Variants in PHACTR2 observed in about 807,000 individuals in gnomAD.
The protein encoded by PHACTR2 is chromosome 6 open reading frame 56.
A neutral mutation model predicts 76.0 loss-of-function variants in PHACTR2; 30 were observed. That is an observed-to-expected ratio of 0.39 (90% CI 0.30 to 0.54). The LOEUF (loss-of-function observed/expected upper bound fraction) is 0.54, where lower values mean the gene tolerates loss of function less well. Among genes scored for constraint, PHACTR2 ranks in the 20% least tolerant of loss-of-function variants. The pLI, the probability that PHACTR2 is intolerant of heterozygous loss-of-function variation, is 0.61. For synonymous variants in PHACTR2, 292 were observed against 292.5 expected (o/e 1.00, Z 0.02); for missense variants, 696 against 781.1 (o/e 0.89, Z 1.30).
At chr6:143,813,589 G>T (rs1562316971) in intron 12 of PHACTR2, among the ~76,000 whole-genome samples, 1 of 133,150 alleles carries the variant, frequency 7.5e-6, no homozygotes, top group Non-Finnish European at 1.5e-5. Flanking sequence ...CTGCACTCCA[G>T]CCTGGGCAAC....
Position 143,750,494 on chromosome 6 carries a change from G to GAAA in PHACTR2, c.295+1429_295+1430insAAA, listed in dbSNP as rs1779158882. Among the ~76,000 whole-genome samples, 1 of 152,052 alleles carries GAAA rather than the reference G, an allele frequency of 6.6e-6. No individual in the cohort carries two copies. The highest frequency in any genetic ancestry group is 1.5e-5 in the Non-Finnish European group (1 of 68,014). On this transcript the variant is annotated intron_variant, in intron 3 of 12. Coordinates refer to ENST00000440869, the MANE Select transcript of PHACTR2 (RefSeq NM_001100164.2). This position sits in a 1 kb window ranked among gnomAD's most constrained non-coding sequence, Gnocchi z 4.6. ...TGGGCCAATGCATTTATTAGACATC[G>GAAA]TTTATTTAGAAATATTTTAAAGAAA...
rs1775181729 is a variant in PHACTR2, at chr6:143,556,863, T to TA, written c.217+19661dup. The stretch of plus-strand genomic sequence containing the variant: ...TCATTTAAGAGTAAGTATTCTTTTT[T>TA]AAAAATATGGGCCAGGAACTAATAA... On this transcript the variant is annotated intron_variant, in intron 1 of 11. Coordinates refer to the PHACTR2 transcript ENST00000367584. The surrounding 1 kb of genome is among the most constrained non-coding windows in gnomAD (Gnocchi z 4.3). Among the ~76,000 whole-genome samples, 1 of 152,178 alleles carries TA rather than the reference T, an allele frequency of 6.6e-6. No individual in the cohort carries two copies. Among genetic ancestry groups the TA allele is most frequent in the Admixed American group, 6.5e-5 (1 of 15,284 alleles).
chr6:143,682,889 T>C (rs1777429825), intron 1 of PHACTR2, among the ~76,000 whole-genome samples: 1 of 152,210 alleles, frequency 6.6e-6, no homozygotes, highest in African/African-American at 2.4e-5. Context: ...AGTGTTTTTA[T>C]CATGAAAGAT....
At chr6:143,538,694 C>T (rs1781142252) in intron 1 of PHACTR2, among the ~76,000 whole-genome samples, 1 of 152,232 alleles carries the variant, frequency 6.6e-6, no homozygotes, top group Admixed American at 6.5e-5. Context: ...GACTCCACTT[C>T]AGCTGGCTAA....
intron 1 of PHACTR2, among the ~76,000 whole-genome samples, chr6:143,601,957 A>G (rs1459964194): frequency 5.3e-5 from 8 of 152,316 alleles, no homozygotes; most frequent in East Asian, 1.9e-4. Flanking sequence ...TTTTGATGCA[A>G]TCATACAACT....
At position 143,618,378 on chromosome 6, in the gene PHACTR2, C is replaced by T. The variant is rs923263714; in HGVS notation, c.13+10056C>T. Among the ~76,000 whole-genome samples, 3 of 151,998 alleles carry T rather than the reference C, an allele frequency of 2.0e-5. No homozygotes were observed. The highest frequency in any genetic ancestry group is 2.9e-5 in the Non-Finnish European group (2 of 68,000). ...ATGCTTTGATAACTTGCTTTTCTGG[C>T]GTTTTGGTTAATAAATGGTGTTTTT... On this transcript the variant is annotated intron_variant, in intron 1 of 11. Transcript: ENST00000305766. This position sits in a 1 kb window ranked among gnomAD's most constrained non-coding sequence, Gnocchi z 5.2.
rs888591646 is a variant in PHACTR2 at position 143,683,840 on chromosome 6, C to T, written c.46+5631C>T. On this transcript the variant is annotated intron_variant, in intron 1 of 12. Coordinates refer to ENST00000440869, the MANE Select transcript of PHACTR2 (RefSeq NM_001100164.2). The surrounding 1 kb of genome is among the most constrained non-coding windows in gnomAD (Gnocchi z 4.1). ...CCCAGAATCCTCCAGTCCCACTTTT[C>T]ATCTATAACCCAGCATGAACAGTTT... 3.3e-5 allele frequency among the ~76,000 whole-genome samples: 5 copies of T among 152,176 alleles called. No homozygotes were observed. The highest frequency in any genetic ancestry group is 7.3e-5 in the Non-Finnish European group (5 of 68,034).
chr6:143,729,904 T>C (rs897307598), intron 2 of PHACTR2, among the ~76,000 whole-genome samples: 1 of 152,266 alleles, frequency 6.6e-6, no homozygotes, highest in African/African-American at 2.4e-5. Context: ...TTTGGTGTCA[T>C]GTGTAAGAAA....
In PHACTR2 at chr6:143,766,390, C is replaced by T. The variant is rs1459037293; in HGVS notation, c.1232+592C>T. 2.6e-5 allele frequency among the ~76,000 whole-genome samples: 4 copies of T among 152,332 alleles called. No homozygotes were observed. In the East Asian group the frequency reaches 5.8e-4, roughly 22 times the overall value. On this transcript the variant is annotated intron_variant, in intron 6 of 12. Coordinates refer to ENST00000440869, the MANE Select transcript of PHACTR2 (RefSeq NM_001100164.2). ...TAGCCAACATGTCTTACATAAGACA[C>T]CTCTGTGTGCCCAGCAACCACTCCA...
intron 1 of PHACTR2, among the ~76,000 whole-genome samples, chr6:143,640,483 G>A (rs998947366): frequency 3.9e-5 from 6 of 152,270 alleles, no homozygotes; most frequent in Non-Finnish European, 8.8e-5. Context: ...GTTTATGGAA[G>A]TGCAGAGATG....
chr6:143,548,560 G>A lies in PHACTR2; in HGVS notation c.217+11353G>A, dbSNP rs550379073. Among the ~76,000 whole-genome samples the A allele has an allele frequency of 3.9e-5, 6 of 152,198 alleles. No homozygotes were observed. The highest frequency in any genetic ancestry group is 4.2e-4 in the South Asian group (2 of 4,816). ...CAATTCCACACACCAGCCTGGGCCA[G>A]GTAGCCATTCCTGACACCAGCTATA... is the stretch of plus-strand genomic sequence containing the variant. On this transcript the variant is annotated intron_variant, in intron 1 of 11. Coordinates refer to the PHACTR2 transcript ENST00000367584. The surrounding 1 kb of genome is among the most constrained non-coding windows in gnomAD (Gnocchi z 4.5).
chr6:143,744,700 G>A lies in PHACTR2; in HGVS notation c.215-4285G>A, dbSNP rs75697708. On this transcript the variant is annotated intron_variant, in intron 2 of 12. Transcript: ENST00000440869. ...AAAGAAGTGGTTAGGAGCCAGGCAC[G>A]TGGGAGGCGGGACAGCCTAAGGGGC... 3.3e-5 allele frequency among the ~76,000 whole-genome samples: 5 copies of A among 152,340 alleles called. No homozygotes were observed. In the East Asian group the frequency reaches 5.8e-4, roughly 18 times the overall value.
chr6:143,631,151 A>T (rs1245640553), intron 1 of PHACTR2, among the ~76,000 whole-genome samples: 4 of 152,184 alleles, frequency 2.6e-5, no homozygotes, highest in African/African-American at 9.7e-5. Flanking sequence ...TTTCAAGAAG[A>T]TTTAACCTTC....
At chr6:143,745,510 G>A (rs915250771) in intron 2 of PHACTR2, among the ~76,000 whole-genome samples, 9 of 152,274 alleles carry the variant, frequency 5.9e-5, no homozygotes, top group Non-Finnish European at 1.3e-4. Flanking sequence ...CGGTGTGTTG[G>A]ACTAGAATGA....
At position 143,827,176 on chromosome 6, in the gene PHACTR2, A is replaced by G. The variant is rs962859470; in HGVS notation, c.*3487A>G. 1 of 126,478 alleles carries G rather than the reference A, an allele frequency of 7.9e-6. No individual in the cohort carries two copies. The highest frequency in any genetic ancestry group is 3.1e-5 in the African/African-American group (1 of 32,476). 7.8% of individuals were successfully genotyped at this position (126,478 alleles called of 1,614,324 possible). A position where few individuals can be genotyped will look rare whatever the true frequency, so the allele number is the denominator to read the frequency against. On this transcript the variant is annotated 3_prime_UTR_variant, in exon 13 of 13. Coordinates refer to ENST00000440869, the MANE Select transcript of PHACTR2 (RefSeq NM_001100164.2). Reference sequence around the variant, plus strand: ...AGAAAATATATATATATATATATATATATATATATATATATATATATATGT... The same window carrying G: ...AGAAAATATATATATATATATATATGTATATATATATATATATATATATGT...
At position 143,695,818 on chromosome 6, in the gene PHACTR2, C is replaced by T. The variant is rs112337411; in HGVS notation, c.47-16198C>T. Among the ~76,000 whole-genome samples the T allele has an allele frequency of 0.025, 3,824 of 152,254 alleles. 160 individuals carry two copies. The highest frequency in any genetic ancestry group is 0.081 in the African/African-American group (3,369 of 41,530). On this transcript the variant is annotated intron_variant, in intron 1 of 12. Coordinates refer to ENST00000440869, the MANE Select transcript of PHACTR2 (RefSeq NM_001100164.2). The surrounding 1 kb of genome is among the most constrained non-coding windows in gnomAD (Gnocchi z 4.4). The stretch of plus-strand genomic sequence containing the variant: ...TCTCTTTAGATTGTGACATTAGGCA[C>T]ATGTGGAAACAACAGTAAAATGCAA...
chr6:143,707,367 G>A (rs1006369620), intron 1 of PHACTR2, among the ~76,000 whole-genome samples: 3 of 152,176 alleles, frequency 2.0e-5, no homozygotes, highest in African/African-American at 7.2e-5. Context: ...GATATTTAAG[G>A]ATATTTGGAG....
Position 143,672,488 on chromosome 6 carries a change from G to T in PHACTR2, c.14-39528G>T, listed in dbSNP as rs1410554516. On this transcript the variant is annotated intron_variant, in intron 1 of 11. Coordinates refer to the PHACTR2 transcript ENST00000305766. This position sits in a 1 kb window ranked among gnomAD's most constrained non-coding sequence, Gnocchi z 5.8. The stretch of plus-strand genomic sequence containing the variant: ...AAACAAAAAACAAACAAAAAAAGCT[G>T]CAAGCAATAAACAAACAAATACAGT... 6.6e-6 allele frequency among the ~76,000 whole-genome samples: 1 copy of T among 151,868 alleles called. No individual in the cohort carries two copies. The highest frequency in any genetic ancestry group is 1.5e-5 in the Non-Finnish European group (1 of 67,924).
chr6:143,773,811 T>C (rs2295202), intron 7 of PHACTR2, among the ~76,000 whole-genome samples: 22,338 of 152,240 alleles, frequency 0.15, 2,067 homozygotes, highest in East Asian at 0.36. Flanking sequence ...GATGAAGTGA[T>C]ACTTCTAAGT....
Sources: gnomAD v4.1 joint callset for allele counts (sites outside exome capture counted in the v4.1 genomes callset) on GRCh38, gnomAD v4.1.1 for gene constraint, Gnocchi (gnomAD v3.1) non-coding constraint, MANE v1.5 for transcripts, NCBI Gene and HGNC (gene_info 2026-07-23, HGNC 2026-07-21) for gene names.